GRIK3: variants seen among roughly 807,000 people sequenced by gnomAD.
GRIK3 encodes the protein glutamate ionotropic receptor kainate type subunit 3, also known as glutamate receptor ionotropic, kainate 3.
Under a neutral mutation model 102.5 loss-of-function variants are expected in GRIK3, and 29 were observed. That is an observed-to-expected ratio of 0.28 (90% CI 0.21 to 0.39). GRIK3 has a LOEUF of 0.39. Ranked by LOEUF, GRIK3 falls within the 10% of genes least tolerant of loss-of-function variation. The pLI, the probability that GRIK3 is intolerant of heterozygous loss-of-function variation, is 1.00. For missense variants in GRIK3, 908 were observed against 1,252.4 expected (o/e 0.73, Z 4.15); for synonymous variants, 511 against 504.9 (o/e 1.01, Z -0.16).
intron 1 of GRIK3, among the ~76,000 whole-genome samples, chr1:37,032,168 A>T (rs1388334072): frequency 6.6e-6 from 1 of 152,188 alleles, no homozygotes; most frequent in Non-Finnish European, 1.5e-5. Context: ...AAGGGCTGGG[A>T]GGAACTCCCT....
intron 1 of GRIK3, among the ~76,000 whole-genome samples, chr1:36,989,161 A>G (rs1243860002): frequency 6.6e-6 from 1 of 152,040 alleles, no homozygotes; most frequent in Non-Finnish European, 1.5e-5. Context: ...CACATGCTCC[A>G]TGGTCCCGCA....
intron 5 of GRIK3, among the ~76,000 whole-genome samples, chr1:36,863,803 C>T (rs1054634721): frequency 2.0e-5 from 3 of 152,148 alleles, no homozygotes; most frequent in Non-Finnish European, 4.4e-5. Flanking sequence ...GGGTCTGTCT[C>T]CCCTATGAGC....
chr1:37,012,193 C>T (rs1642603853), intron 1 of GRIK3, among the ~76,000 whole-genome samples: 1 of 152,204 alleles, frequency 6.6e-6, no homozygotes, highest in African/African-American at 2.4e-5. Flanking sequence ...GAGTTTTCAT[C>T]AAAGTAATTT....
intron 1 of GRIK3, among the ~76,000 whole-genome samples, chr1:36,896,414 T>C (rs554099): frequency 0.89 from 135,733 of 152,120 alleles, 60,777 homozygotes; most frequent in East Asian, 0.99. Context: ...CTCACACTAC[T>C]TGTGAAGCAG....
intron 2 of GRIK3, among the ~76,000 whole-genome samples, chr1:36,885,522 A>G (rs1027715072): frequency 6.6e-6 from 1 of 152,292 alleles, no homozygotes; most frequent in East Asian, 1.9e-4. Flanking sequence ...TGATGACCAC[A>G]CTGGGTTTCA....
chr1:36,894,660 G>C (rs1641153542), intron 1 of GRIK3, among the ~76,000 whole-genome samples: 1 of 152,204 alleles, frequency 6.6e-6, no homozygotes, highest in Non-Finnish European at 1.5e-5. Context: ...ACCTCCATGG[G>C]AATCGGTGTG....
At chr1:36,973,343 A>C (rs1642163260) in intron 1 of GRIK3, among the ~76,000 whole-genome samples, 1 of 150,128 alleles carries the variant, frequency 6.7e-6, no homozygotes, top group Non-Finnish European at 1.5e-5. Context: ...TCCACCAAAA[A>C]CACCCTTCCC....
At chr1:37,025,082 T>C (rs1642753349) in intron 1 of GRIK3, among the ~76,000 whole-genome samples, 1 of 152,170 alleles carries the variant, frequency 6.6e-6, no homozygotes, top group Non-Finnish European at 1.5e-5. Flanking sequence ...ACCCCAGTTA[T>C]ATTGCCCTCC....
chr1:36,998,158 C>T (rs1477399794), intron 1 of GRIK3, among the ~76,000 whole-genome samples: 2 of 152,212 alleles, frequency 1.3e-5, no homozygotes, highest in African/African-American at 4.8e-5. Flanking sequence ...CTGGAAGACA[C>T]TGGGACACCA....
chr1:36,988,922 A>G (rs1220824202), intron 1 of GRIK3, among the ~76,000 whole-genome samples: 1 of 152,190 alleles, frequency 6.6e-6, no homozygotes, highest in Non-Finnish European at 1.5e-5. Flanking sequence ...ACCAGGGCTG[A>G]CAATGAAGTA....
chr1:37,005,203 C>A (rs1459846835), intron 1 of GRIK3, among the ~76,000 whole-genome samples: 1 of 152,212 alleles, frequency 6.6e-6, no homozygotes, highest in Non-Finnish European at 1.5e-5. Flanking sequence ...CCTGGGTCCC[C>A]ACCTGATGCC....
rs1570733769 is a variant in GRIK3 at position 36,804,879 on chromosome 1, G to T, written c.2565+108C>A. On this transcript the variant is annotated intron_variant, in intron 15 of 15. Transcript: ENST00000373091. ...TGGCCGACTGGATGCAGGGTGAGCTGTTGTGAGGCTGAGATGAGACACCAC... is the reference window on the plus strand; with the variant it reads ...TGGCCGACTGGATGCAGGGTGAGCTTTTGTGAGGCTGAGATGAGACACCAC... The T allele has an allele frequency of 3.6e-6, 5 of 1,381,828 alleles. No homozygotes were observed. In the East Asian group the frequency reaches 9.3e-5, roughly 26 times the overall value. The allele number at this position is 1,381,828 out of a possible 1,614,324, so 85.6% of individuals were successfully genotyped here.
intron 2 of GRIK3, among the ~76,000 whole-genome samples, chr1:36,886,740 G>A (rs958881008): frequency 1.3e-5 from 2 of 152,176 alleles, no homozygotes; most frequent in Non-Finnish European, 2.9e-5. Context: ...CATACGTCAT[G>A]CACTCATGTA....
intron 1 of GRIK3, among the ~76,000 whole-genome samples, chr1:36,944,479 G>C (rs1641761273): frequency 6.6e-6 from 1 of 152,132 alleles, no homozygotes; most frequent in Admixed American, 6.5e-5. Context: ...CAGAGAAGAG[G>C]GGAGGGAAGA....
intron 1 of GRIK3, among the ~76,000 whole-genome samples, chr1:37,009,655 G>C (rs368145069): frequency 6.6e-6 from 1 of 152,148 alleles, no homozygotes; most frequent in African/African-American, 2.4e-5. Context: ...CAGAGTTCAG[G>C]GAAATGTCAG....
chr1:36,816,231 G>A (rs1642625880), intron 13 of GRIK3, among the ~76,000 whole-genome samples: 1 of 152,194 alleles, frequency 6.6e-6, no homozygotes, highest in Non-Finnish European at 1.5e-5. Context: ...GTGTAAAGTA[G>A]AAATAATTCG....
At chr1:36,856,489 T>C (rs1640653456) in intron 7 of GRIK3, among the ~76,000 whole-genome samples, 1 of 152,122 alleles carries the variant, frequency 6.6e-6, no homozygotes, top group African/African-American at 2.4e-5. Flanking sequence ...AAATGCCAAG[T>C]CTTTAAAATG....
intron 1 of GRIK3, among the ~76,000 whole-genome samples, chr1:36,901,506 ACT>A (rs1641231866): frequency 6.6e-6 from 1 of 152,204 alleles, no homozygotes; most frequent in African/African-American, 2.4e-5. Flanking sequence ...AATGATAAAA[ACT>A]CTCAGTAAAG....
intron 1 of GRIK3, among the ~76,000 whole-genome samples, chr1:36,988,161 C>T (rs540777744): frequency 7.2e-5 from 11 of 152,270 alleles, no homozygotes; most frequent in East Asian, 5.8e-4. Context: ...TGTGGTGGCA[C>T]GTGCCTGGGA....
Sources: gnomAD v4.1 joint callset for allele counts (sites outside exome capture counted in the v4.1 genomes callset) on GRCh38, gnomAD v4.1.1 for gene constraint, MANE v1.5 for transcripts, NCBI Gene and HGNC (gene_info 2026-07-23, HGNC 2026-07-21) for gene names.